CNTLN: variants seen among roughly 807,000 people sequenced by gnomAD.
The protein encoded by CNTLN is centlein.
CNTLN carries 212 observed loss-of-function variants against 180.0 expected under a neutral mutation model. The observed-to-expected ratio is 1.18, with a 90% CI of 1.05 to 1.32. CNTLN has a LOEUF of 1.32. CNTLN is among the 40% of genes most tolerant of loss of function. The probability of loss-of-function intolerance (pLI) is 0.00; values close to 1 mark genes in which losing one functional copy is unlikely to be tolerated. For synonymous variants in CNTLN, 722 were observed against 563.1 expected (o/e 1.28, Z -3.99); for missense variants, 2,095 against 1,610.9 (o/e 1.30, Z -5.14).
chr9:17,386,852 A>G (rs1391413939), intron 13 of CNTLN, among the ~76,000 whole-genome samples: 5 of 152,228 alleles, frequency 3.3e-5, no homozygotes, highest in Admixed American at 6.5e-5. Context: ...GAAGTATAAC[A>G]GATATTTAAA....
At chr9:17,492,998 C>A (rs1328186731) in intron 25 of CNTLN, among the ~76,000 whole-genome samples, 1 of 151,978 alleles carries the variant, frequency 6.6e-6, no homozygotes. Flanking sequence ...GGACAAATAC[C>A]CTGATTCCAC....
intron 15 of CNTLN, among the ~76,000 whole-genome samples, chr9:17,398,620 C>G (rs1455472177): frequency 6.6e-6 from 1 of 152,146 alleles, no homozygotes; most frequent in East Asian, 1.9e-4. Context: ...TCAGCTAGTT[C>G]TTTTATCTCA....
At chr9:17,447,473 C>T (rs528407840) in intron 18 of CNTLN, 180 of 159,236 alleles carry the variant, frequency 1.1e-3, no homozygotes, top group Admixed American at 2.7e-3. Flanking sequence ...CCTAGGTGGT[C>T]GCCTGCACTC....
At chr9:17,266,572 A>T (rs1303888371) in intron 5 of CNTLN, among the ~76,000 whole-genome samples, 3 of 152,112 alleles carry the variant, frequency 2.0e-5, no homozygotes, top group East Asian at 3.9e-4. Flanking sequence ...TGCAGAGCTG[A>T]GTTCAATTCC....
At chr9:17,353,137 G>C (rs1040015054) in intron 12 of CNTLN, among the ~76,000 whole-genome samples, 7 of 151,942 alleles carry the variant, frequency 4.6e-5, no homozygotes, top group African/African-American at 1.7e-4. Context: ...TCTATTTTTT[G>C]TAGGGTCGGG....
chr9:17,254,846 A>G (rs1362503700), intron 5 of CNTLN, among the ~76,000 whole-genome samples: 1 of 151,646 alleles, frequency 6.6e-6, no homozygotes, highest in African/African-American at 2.4e-5. Context: ...ATATTGATAA[A>G]GAGTGCATTA....
At chr9:17,294,491 C>T (rs192658603) in intron 6 of CNTLN, among the ~76,000 whole-genome samples, 46 of 151,434 alleles carry the variant, frequency 3.0e-4, no homozygotes, top group African/African-American at 4.1e-4. Flanking sequence ...GGTAGACACA[C>T]GGTGCTGATT....
At position 17,473,376 on chromosome 9, in the gene CNTLN, A is replaced by T. The variant is rs1417411402; in HGVS notation, c.3855+6485A>T. ...TTTTTTCATTACCTTTATTTTTCAC[A>T]TTCCTCCCAAATCTGTACCCACATA... On this transcript the variant is annotated intron_variant, in intron 23 of 25. Transcript: ENST00000380647. 2.0e-5 allele frequency among the ~76,000 whole-genome samples: 3 copies of T among 151,166 alleles called. No individual in the cohort carries two copies. The East Asian group carries it at 5.8e-4, about 29-fold the overall frequency.
chr9:17,205,924 A>G (rs959157306), intron 2 of CNTLN, among the ~76,000 whole-genome samples: 4 of 152,196 alleles, frequency 2.6e-5, no homozygotes, highest in Admixed American at 1.3e-4. Flanking sequence ...ATGGATTACA[A>G]CATGTTCAAG....
chr9:17,212,302 C>A (rs199781939), intron 2 of CNTLN, among the ~76,000 whole-genome samples: 4 of 152,114 alleles, frequency 2.6e-5, no homozygotes, highest in Admixed American at 1.3e-4. Context: ...TTCTGCATCT[C>A]TTGAGATAAT....
intron 2 of CNTLN, among the ~76,000 whole-genome samples, 200 bp from the exon 3 acceptor site, chr9:17,226,003 T>C (rs1202263382): frequency 6.6e-6 from 1 of 152,034 alleles, no homozygotes; most frequent in Non-Finnish European, 1.5e-5. Flanking sequence ...ATCATATACC[T>C]AAATCTAGAA....
intron 25 of CNTLN, among the ~76,000 whole-genome samples, chr9:17,500,489 AAC>A (rs1429546903): frequency 6.6e-6 from 1 of 152,218 alleles, no homozygotes; most frequent in Non-Finnish European, 1.5e-5. Flanking sequence ...GAAATGATAC[AAC>A]CAGCATGTTC....
chr9:17,515,077 C>G, the CNTLN span, among the ~76,000 whole-genome samples: 15 of 152,168 alleles, frequency 9.9e-5, no homozygotes, highest in East Asian at 2.5e-3. Context: ...TGAAGTCAAA[C>G]CAAATCCTGA....
At position 17,385,319 on chromosome 9, in the gene CNTLN, T is replaced by A. The variant is rs144055210; in HGVS notation, c.1988-2843T>A. Among the ~76,000 whole-genome samples, 649 of 152,334 alleles carry A rather than the reference T, an allele frequency of 4.3e-3. 3 individuals carry two copies. Among genetic ancestry groups the A allele is most frequent in the African/African-American group, 0.014 (584 of 41,572 alleles). ...GATTCAATCATTGGCCATTGGTGAC[T>A]GAATTCAGTCTCCATTTCCTCTCCC... On this transcript the variant is annotated intron_variant, in intron 13 of 25. Coordinates refer to ENST00000380647, the MANE Select transcript of CNTLN (RefSeq NM_017738.4).
intron 13 of CNTLN, among the ~76,000 whole-genome samples, chr9:17,383,633 C>T (rs1000118768): frequency 1.3e-5 from 2 of 151,468 alleles, no homozygotes; most frequent in East Asian, 1.9e-4. Flanking sequence ...AGAAGTAATT[C>T]GTAACATGAA....
intron 6 of CNTLN, among the ~76,000 whole-genome samples, chr9:17,284,015 TTTTG>T (rs144244795): frequency 0.29 from 44,147 of 151,496 alleles, 6,475 homozygotes; most frequent in South Asian, 0.41. Context: ...TTATTGAGGA[TTTTG>T]TTTGTTTGTT....
At chr9:17,400,073 C>G (rs148647877) in intron 15 of CNTLN, among the ~76,000 whole-genome samples, 9 of 152,144 alleles carry the variant, frequency 5.9e-5, no homozygotes, top group African/African-American at 2.2e-4. Flanking sequence ...TACGGTGTCT[C>G]AGCCAAGAAC....
Position 17,342,406 on chromosome 9 carries a change from A to C in CNTLN, c.1848A>C (p.Ala616=). The C allele has an allele frequency of 1.2e-6, 2 of 1,610,810 alleles. No homozygotes were observed. The highest frequency in any genetic ancestry group is 1.7e-6 in the Non-Finnish European group (2 of 1,178,844). Residue 616 remains alanine, a synonymous_variant, in exon 12 of 26, where the codon GCA becomes GCC. Coordinates refer to ENST00000380647, the MANE Select transcript of CNTLN (RefSeq NM_017738.4). ...EDSDAVWNEL[A]YFKRENQELM... Reference sequence around the variant, plus strand: ...CTGACGCTGTGTGGAATGAACTGGCATATTTCAAAAGGGAAAACCAGGAGC... The same window carrying C: ...CTGACGCTGTGTGGAATGAACTGGCCTATTTCAAAAGGGAAAACCAGGAGC...
At chr9:17,411,227 C>G (rs1282473978) in intron 16 of CNTLN, among the ~76,000 whole-genome samples, 1 of 152,030 alleles carries the variant, frequency 6.6e-6, no homozygotes, top group African/African-American at 2.4e-5. Context: ...ACCTAGAAAC[C>G]TCAGTAGGTC....
Sources: gnomAD v4.1 joint callset for allele counts (sites outside exome capture counted in the v4.1 genomes callset) on GRCh38, gnomAD v4.1.1 for gene constraint, MANE v1.5 for transcripts, NCBI Gene and HGNC (gene_info 2026-07-23, HGNC 2026-07-21) for gene names.